TOP1: variants seen among roughly 807,000 people sequenced by gnomAD.
TOP1 encodes the protein DNA topoisomerase 1.
TOP1 carries 10 observed loss-of-function variants against 111.1 expected under a neutral mutation model. That is an observed-to-expected ratio of 0.09 (90% CI 0.06 to 0.15). TOP1 has a LOEUF of 0.15. TOP1 is among the 10% of genes least tolerant of loss of function. TOP1 has a pLI of 1.00. For missense variants in TOP1, 474 were observed against 926.7 expected (o/e 0.51, Z 6.34); for synonymous variants, 271 against 302.9 (o/e 0.89, Z 1.10).
rs2033331153 is a variant in TOP1, at chr20:41,046,144, C to G, written c.59-15250C>G. On this transcript the variant is annotated intron_variant, in intron 2 of 20. Coordinates refer to ENST00000361337, the MANE Select transcript of TOP1 (RefSeq NM_003286.4). This position sits in a 1 kb window ranked among gnomAD's most constrained non-coding sequence, Gnocchi z 4.3. Reference sequence around the variant, plus strand: ...AAATGAATAGGAATGAAATAAATAGCTGATATTTGAACATTTTTAATGCCC... The same window carrying G: ...AAATGAATAGGAATGAAATAAATAGGTGATATTTGAACATTTTTAATGCCC... Among the ~76,000 whole-genome samples, 1 of 152,132 alleles carries G rather than the reference C, an allele frequency of 6.6e-6. No homozygotes were observed. The highest frequency in any genetic ancestry group is 2.4e-5 in the African/African-American group (1 of 41,416).
chr20:41,035,100 C>T (rs150786889), intron 2 of TOP1, among the ~76,000 whole-genome samples: 7 of 152,208 alleles, frequency 4.6e-5, no homozygotes, highest in African/African-American at 1.7e-4. Flanking sequence ...CCATGTTGCC[C>T]AGGCTGGTCT....
At position 41,079,990 on chromosome 20, in the gene TOP1, G is replaced by A. The variant is rs115162954; in HGVS notation, c.336-95G>A. The stretch of plus-strand genomic sequence containing the variant: ...TATGTACGTGGTTATCCTTATTTCT[G>A]TTAGCTTCTTTTCAACGAAATGACA... On this transcript the variant is annotated intron_variant, in intron 5 of 20. Coordinates refer to ENST00000361337, the MANE Select transcript of TOP1 (RefSeq NM_003286.4). The surrounding 1 kb of genome is among the most constrained non-coding windows in gnomAD (Gnocchi z 4.0). 1.0e-3 allele frequency: 798 copies of A among 782,634 alleles called. 3 individuals are homozygous for A. The highest frequency in any genetic ancestry group is 6.7e-3 in the African/African-American group (381 of 57,194). 48.5% of individuals were successfully genotyped at this position (782,634 alleles called of 1,614,324 possible).
At chr20:41,072,126 T>A (rs761952701) in intron 3 of TOP1, 2 of 605,004 alleles carry the variant, frequency 3.3e-6, no homozygotes, top group Non-Finnish European at 4.1e-6. Context: ...AGCATTTTTC[T>A]AATTTAGCCC....
In TOP1 at chr20:41,032,198, T is replaced by C. The variant is rs1449579076; in HGVS notation, c.58+2743T>C. Among the ~76,000 whole-genome samples the C allele has an allele frequency of 6.6e-6, 1 of 152,178 alleles. No individual in the cohort carries two copies. Among genetic ancestry groups the C allele is most frequent in the Non-Finnish European group, 1.5e-5 (1 of 68,030 alleles). On this transcript the variant is annotated intron_variant, in intron 2 of 20. Coordinates refer to ENST00000361337, the MANE Select transcript of TOP1 (RefSeq NM_003286.4). This position sits in a 1 kb window ranked among gnomAD's most constrained non-coding sequence, Gnocchi z 4.3. The stretch of plus-strand genomic sequence containing the variant: ...AGTTCATATATTAAAATCAAACGTC[T>C]CTCATTTTGCCTGCCCTCATCCCCT...
In TOP1 at chr20:41,117,117, C is replaced by T. The variant is rs370368368; in HGVS notation, c.1822+725C>T. On this transcript the variant is annotated intron_variant, in intron 17 of 20. Transcript: ENST00000361337. The stretch of plus-strand genomic sequence containing the variant: ...CCTGTAATCCCAACACTTGGGTAGC[C>T]GAGGCAGGAGAATCACTTGAACCCA... Among the ~76,000 whole-genome samples, 16 of 152,154 alleles carry T rather than the reference C, an allele frequency of 1.1e-4. No individual in the cohort carries two copies. In the East Asian group the frequency reaches 2.3e-3, roughly 22 times the overall value.
chr20:41,053,957 A>G (rs1174647184), intron 2 of TOP1, among the ~76,000 whole-genome samples: 1 of 152,170 alleles, frequency 6.6e-6, no homozygotes, highest in Admixed American at 6.5e-5. Context: ...TTCTTCCTTC[A>G]TGGGGGTTAT....
Position 41,116,241 on chromosome 20 carries a change from T to C in TOP1, c.1708-37T>C. The stretch of plus-strand genomic sequence containing the variant: ...GGGCTGCCAGAAGGAGCAGGTAGTA[T>C]AGCTTTGACCTAAATCTGTTGCTTT... On this transcript the variant is annotated intron_variant, in intron 16 of 20. Transcript: ENST00000361337. This position sits in a 1 kb window ranked among gnomAD's most constrained non-coding sequence, Gnocchi z 5.6. The C allele has an allele frequency of 1.4e-6, 2 of 1,434,200 alleles. No homozygotes were observed. Among genetic ancestry groups the C allele is most frequent in the Non-Finnish European group, 2.0e-6 (2 of 1,018,530 alleles). 88.8% of individuals were successfully genotyped at this position (1,434,200 alleles called of 1,614,324 possible). A position where few individuals can be genotyped will look rare whatever the true frequency, so the allele number is the denominator to read the frequency against.
Position 41,120,983 on chromosome 20 carries a change from C to T in TOP1, c.1951-713C>T, listed in dbSNP as rs567679266. ...GTCTTGATCTCCTGACCTTGTGATC[C>T]GCCCTCCTCAGCCTCCCCAAAGTGC... On this transcript the variant is annotated intron_variant, in intron 18 of 20. Transcript: ENST00000361337. Among the ~76,000 whole-genome samples, 37 of 152,254 alleles carry T rather than the reference C, an allele frequency of 2.4e-4. 1 individual carries two copies. The highest frequency in any genetic ancestry group is 8.7e-4 in the African/African-American group (36 of 41,542).
chr20:41,042,233 G>C (rs1235601008), intron 2 of TOP1, among the ~76,000 whole-genome samples: 1 of 152,062 alleles, frequency 6.6e-6, no homozygotes, highest in African/African-American at 2.4e-5. Context: ...ATTTTTAAAG[G>C]ACCAGAACAG....
intron 2 of TOP1, among the ~76,000 whole-genome samples, chr20:41,037,592 C>T (rs531521373): frequency 2.6e-4 from 39 of 152,182 alleles, no homozygotes; most frequent in East Asian, 7.7e-4. Flanking sequence ...TACCAAATGC[C>T]GTGTTAACAG....
rs996421035 is a variant in TOP1, at chr20:41,121,176, G to T, written c.1951-520G>T. On this transcript the variant is annotated intron_variant, in intron 18 of 20. Transcript: ENST00000361337. The surrounding 1 kb of genome is among the most constrained non-coding windows in gnomAD (Gnocchi z 4.2). ...TGTAGCCCCTTGAGTACTCTCTTCA[G>T]TGCATCCATTTTCCTTGAGAAGCTG... Among the ~76,000 whole-genome samples the T allele has an allele frequency of 2.0e-5, 3 of 152,176 alleles. No homozygotes were observed. Among genetic ancestry groups the T allele is most frequent in the Admixed American group, 2.0e-4 (3 of 15,284 alleles).
chr20:41,066,266 G>A (rs1047098212), intron 3 of TOP1, among the ~76,000 whole-genome samples: 1 of 151,034 alleles, frequency 6.6e-6, no homozygotes, highest in African/African-American at 2.4e-5. Context: ...AAAAAAAAAA[G>A]GGATGTGATT....
In TOP1 at chr20:41,115,093, T is replaced by C. The variant is rs911856365; in HGVS notation, c.1639-278T>C. On this transcript the variant is annotated intron_variant, in intron 15 of 20. Coordinates refer to ENST00000361337, the MANE Select transcript of TOP1 (RefSeq NM_003286.4). The surrounding 1 kb of genome is among the most constrained non-coding windows in gnomAD (Gnocchi z 6.3). ...GGACCATATTATAAGTAAGTACTTA[T>C]AAATGTACTTTAGGACCATATTATA... Among the ~76,000 whole-genome samples, 4 of 152,240 alleles carry C rather than the reference T, an allele frequency of 2.6e-5. No homozygotes were observed. The highest frequency in any genetic ancestry group is 7.2e-5 in the African/African-American group (3 of 41,464).
intron 13 of TOP1, among the ~76,000 whole-genome samples, chr20:41,104,611 C>A (rs916239309): frequency 3.9e-5 from 6 of 152,172 alleles, no homozygotes; most frequent in African/African-American, 7.2e-5. Flanking sequence ...GTGCAAGTTT[C>A]TGGATGATGA....
In TOP1 at chr20:41,079,941, A is replaced by G; in HGVS notation, c.336-144A>G. The G allele has an allele frequency of 1.6e-6, 1 of 611,758 alleles. No homozygotes were observed. The highest frequency in any genetic ancestry group is 3.0e-5 in the East Asian group (1 of 33,106). 37.9% of individuals were successfully genotyped at this position (611,758 alleles called of 1,614,324 possible). Reference sequence around the variant, plus strand: ...ACTTCACAGGATTGAAGTGAGAAAAAGTGCTCACAGAACATCTTCATGATA... The same window carrying G: ...ACTTCACAGGATTGAAGTGAGAAAAGGTGCTCACAGAACATCTTCATGATA... On this transcript the variant is annotated intron_variant, in intron 5 of 20. Transcript: ENST00000361337. The surrounding 1 kb of genome is among the most constrained non-coding windows in gnomAD (Gnocchi z 4.0).
intron 13 of TOP1, among the ~76,000 whole-genome samples, chr20:41,108,753 G>A (rs1238563451): frequency 6.6e-6 from 1 of 152,168 alleles, no homozygotes; most frequent in Admixed American, 6.5e-5. Flanking sequence ...GGAACCTGCA[G>A]TTTCAACCAA....
At chr20:41,066,958 G>A (rs1286869303) in intron 3 of TOP1, among the ~76,000 whole-genome samples, 1 of 152,102 alleles carries the variant, frequency 6.6e-6, no homozygotes, top group African/African-American at 2.4e-5. Flanking sequence ...CATATGACAT[G>A]ACTAAATCTA....
In TOP1 at chr20:41,061,374, C is replaced by T. The variant is rs753601431; in HGVS notation, c.59-20C>T. On this transcript the variant is annotated intron_variant, in intron 2 of 20. Coordinates refer to ENST00000361337, the MANE Select transcript of TOP1 (RefSeq NM_003286.4). This position sits in a 1 kb window ranked among gnomAD's most constrained non-coding sequence, Gnocchi z 4.6. ...ATAGCTCATGACTCCTGTTAACTGA[C>T]TCATCTCTTATGGTTGCAGATTCTC... The T allele has an allele frequency of 6.2e-6, 10 of 1,611,192 alleles. No homozygotes were observed. The East Asian group carries it at 2.0e-4, about 32-fold the overall frequency.
chr20:41,071,689 A>G lies in TOP1; in HGVS notation c.156-4482A>G, dbSNP rs142116487. 3.2e-4 allele frequency among the ~76,000 whole-genome samples: 48 copies of G among 152,326 alleles called. No homozygotes were observed. In the East Asian group the frequency reaches 8.3e-3, roughly 26 times the overall value. ...GGAATTCAGCCAATTGAAGCATAAC[A>G]CATGGCATGAACACTCTGGAAAGGT... is the stretch of plus-strand genomic sequence containing the variant. On this transcript the variant is annotated intron_variant, in intron 3 of 20. Coordinates refer to ENST00000361337, the MANE Select transcript of TOP1 (RefSeq NM_003286.4). The surrounding 1 kb of genome is among the most constrained non-coding windows in gnomAD (Gnocchi z 4.3).
Sources: allele counts gnomAD v4.1 joint callset (sites outside exome capture counted in the v4.1 genomes callset), GRCh38; gene constraint gnomAD v4.1.1; non-coding constraint Gnocchi (gnomAD v3.1); transcripts MANE v1.5; gene names NCBI Gene and HGNC (gene_info 2026-07-23, HGNC 2026-07-21).